Variants in DIRAS2 observed in about 807,000 individuals in gnomAD.
DIRAS2 encodes GTP-binding protein Di-Ras2.
In DIRAS2, 5 loss-of-function variants were observed where a neutral mutation model predicts 13.9. The observed-to-expected ratio is 0.36, with a 90% CI of 0.19 to 0.76. The LOEUF is 0.76. DIRAS2 is among the 30% of genes least tolerant of loss of function. DIRAS2 has a pLI of 0.53. For synonymous variants in DIRAS2, 111 were observed against 105.4 expected (o/e 1.05, Z -0.33); for missense variants, 191 against 263.0 (o/e 0.73, Z 1.89).
chr9:90,630,447 G>A (rs1825314177), intron 1 of DIRAS2, among the ~76,000 whole-genome samples: 1 of 152,212 alleles, frequency 6.6e-6, no homozygotes, highest in Non-Finnish European at 1.5e-5. Context: ...CACTATTACA[G>A]AAAAGATCTT....
At chr9:90,641,658 C>T (rs1825420474) in intron 1 of DIRAS2, among the ~76,000 whole-genome samples, 1 of 152,130 alleles carries the variant, frequency 6.6e-6, no homozygotes. Context: ...CCTTTTCTCT[C>T]CCTCCCCCTC....
chr9:90,613,095 A>T lies in DIRAS2; in HGVS notation c.*133T>A. On this transcript the variant is annotated 3_prime_UTR_variant, in exon 2 of 2. Transcript: ENST00000375765. The surrounding 1 kb of genome is among the most constrained non-coding windows in gnomAD (Gnocchi z 5.6). The stretch of plus-strand genomic sequence containing the variant: ...TGGTGTGAAACGCCCTCTTAAGGAC[A>T]ATAGGACGCATCTCGATTAAATGCA... 7.5e-7 allele frequency: 1 copy of T among 1,326,924 alleles called. No individual in the cohort carries two copies. The highest frequency in any genetic ancestry group is 1.0e-6 in the Non-Finnish European group (1 of 972,162). The allele number at this position is 1,326,924 out of a possible 1,614,324, so 82.2% of individuals were successfully genotyped here.
chr9:90,630,604 A>T (rs896722080), intron 1 of DIRAS2, among the ~76,000 whole-genome samples: 9 of 152,240 alleles, frequency 5.9e-5, no homozygotes, highest in African/African-American at 2.2e-4. Context: ...ATTTTCTATC[A>T]CACAATGGTT....
chr9:90,628,342 A>T (rs73505459), intron 1 of DIRAS2, among the ~76,000 whole-genome samples: 12,741 of 152,220 alleles, frequency 0.084, 905 homozygotes, highest in African/African-American at 0.19. Context: ...TCTGATATTG[A>T]TTACAAGTTG....
At chr9:90,634,592 A>G (rs1825354766) in intron 1 of DIRAS2, among the ~76,000 whole-genome samples, 1 of 152,246 alleles carries the variant, frequency 6.6e-6, no homozygotes, top group Non-Finnish European at 1.5e-5. Context: ...ATATGAATTC[A>G]GAGTCAGGAA....
intron 1 of DIRAS2, among the ~76,000 whole-genome samples, chr9:90,639,579 G>A (rs549854514): frequency 3.5e-5 from 5 of 143,834 alleles, no homozygotes; most frequent in South Asian, 4.2e-4. Flanking sequence ...AAGCAAACCC[G>A]GGGGGGCAGT....
chr9:90,619,481 C>A (rs1456226279), intron 1 of DIRAS2, among the ~76,000 whole-genome samples: 1 of 152,056 alleles, frequency 6.6e-6, no homozygotes, highest in Non-Finnish European at 1.5e-5. Flanking sequence ...TAAAGTACCG[C>A]TTCATACTCA....
At chr9:90,616,419 A>C (rs894323776) in intron 1 of DIRAS2, among the ~76,000 whole-genome samples, 21 of 152,186 alleles carry the variant, frequency 1.4e-4, no homozygotes, top group African/African-American at 5.1e-4. Flanking sequence ...ATATTTAATA[A>C]ATTATATCAT....
At chr9:90,640,030 G>A (rs1825404923) in intron 1 of DIRAS2, among the ~76,000 whole-genome samples, 1 of 152,192 alleles carries the variant, frequency 6.6e-6, no homozygotes. Flanking sequence ...GAGATGTCTT[G>A]TAAGTCGTCA....
intron 1 of DIRAS2, among the ~76,000 whole-genome samples, chr9:90,636,055 T>TTTTTTA (rs10664304): frequency 1.7e-5 from 2 of 120,244 alleles, no homozygotes; most frequent in South Asian, 2.6e-4. Context: ...TTTTTTTTTT[T>TTTTTTA]GAGACAGAGT....
chr9:90,618,612 G>A (rs1229557628), intron 1 of DIRAS2, among the ~76,000 whole-genome samples: 1 of 152,094 alleles, frequency 6.6e-6, no homozygotes, highest in Non-Finnish European at 1.5e-5. Flanking sequence ...GTAACCCACA[G>A]GATAAGTGAG....
At position 90,613,175 on chromosome 9, in the gene DIRAS2, T is replaced by G. The variant is rs113931204; in HGVS notation, c.*53A>C. 1 of 1,569,874 alleles carries G rather than the reference T, an allele frequency of 6.4e-7. No individual in the cohort carries two copies. The stretch of plus-strand genomic sequence containing the variant: ...ACCCTGACGACGGTGGGTGTCATTT[T>G]GGGGGAGTGAGGTGCCGGGGACACA... On this transcript the variant is annotated 3_prime_UTR_variant, in exon 2 of 2. Transcript: ENST00000375765. This position sits in a 1 kb window ranked among gnomAD's most constrained non-coding sequence, Gnocchi z 5.6.
chr9:90,620,319 T>C (rs140126673), intron 1 of DIRAS2, among the ~76,000 whole-genome samples: 1,566 of 152,324 alleles, frequency 0.01, 37 homozygotes, highest in African/African-American at 0.036. Context: ...AGAAATAACC[T>C]GTTAAAGGTA....
chr9:90,622,319 T>C (rs749183595), intron 1 of DIRAS2, among the ~76,000 whole-genome samples: 7 of 152,170 alleles, frequency 4.6e-5, no homozygotes, highest in Non-Finnish European at 8.8e-5. Context: ...AGAACATTAA[T>C]AGGATTCTGT....
chr9:90,638,742 G>T (rs1387383727), intron 1 of DIRAS2, among the ~76,000 whole-genome samples: 1 of 85,164 alleles, frequency 1.2e-5, no homozygotes, highest in Non-Finnish European at 2.6e-5. Context: ...GCACTGAGCT[G>T]GATTTTTTTT....
Position 90,613,571 on chromosome 9 carries a change from TA to T in DIRAS2, c.256del (p.Tyr86ThrfsTer73). The T allele has an allele frequency of 6.2e-7, 1 of 1,614,012 alleles. No individual in the cohort carries two copies. The highest frequency in any genetic ancestry group is 8.5e-7 in the Non-Finnish European group (1 of 1,180,006). ...CAAGGACTGTCGGCTGGTAATGGAG[TA>T]CACCAGGATGAAGGCGTGCCCTTTG... The part of the protein sequence containing the change: ...ISKGHAFILV[Y>X]SITSRQSLEE... On this transcript the variant is annotated frameshift_variant, in exon 2 of 2. Coordinates refer to ENST00000375765, the MANE Select transcript of DIRAS2 (RefSeq NM_017594.5). LOFTEE classifies it high-confidence loss of function. The surrounding 1 kb of genome is among the most constrained non-coding windows in gnomAD (Gnocchi z 5.6).
intron 1 of DIRAS2, among the ~76,000 whole-genome samples, chr9:90,623,155 T>G (rs1825235348): frequency 6.6e-6 from 1 of 152,346 alleles, no homozygotes; most frequent in East Asian, 1.9e-4. Flanking sequence ...GAGCTCTCTG[T>G]GTCTCTGTTT....
At chr9:90,624,073 A>T (rs1051277671) in intron 1 of DIRAS2, among the ~76,000 whole-genome samples, 2 of 152,188 alleles carry the variant, frequency 1.3e-5, no homozygotes, top group African/African-American at 2.4e-5. Flanking sequence ...TCAATTACTG[A>T]CTTGGTTTCC....
At chr9:90,629,554 GA>G (rs1002717611) in intron 1 of DIRAS2, among the ~76,000 whole-genome samples, 1 of 151,738 alleles carries the variant, frequency 6.6e-6, no homozygotes, top group African/African-American at 2.4e-5. Flanking sequence ...CTGACGGTGT[GA>G]AAAAAACCAA....
Sources: gnomAD v4.1 joint callset for allele counts (sites outside exome capture counted in the v4.1 genomes callset) on GRCh38, gnomAD v4.1.1 for gene constraint, Gnocchi (gnomAD v3.1) non-coding constraint, MANE v1.5 for transcripts, NCBI Gene and HGNC (gene_info 2026-07-23, HGNC 2026-07-21) for gene names.